Variants in SOS2 observed in about 807,000 individuals in gnomAD.
The protein encoded by SOS2 is son of sevenless homolog 2.
A neutral mutation model predicts 148.2 loss-of-function variants in SOS2; 65 were observed. The ratio of observed to expected loss-of-function variants is 0.44; its 90% CI spans 0.36 to 0.54. SOS2 has a LOEUF of 0.54. SOS2 is among the 20% of genes least tolerant of loss of function. The pLI, the probability that SOS2 is intolerant of heterozygous loss-of-function variation, is 0.00. For missense variants in SOS2, 1,341 were observed against 1,590.2 expected, an observed-to-expected ratio of 0.84 and a Z score of 2.67; for synonymous variants, 539 against 537.1, an observed-to-expected ratio of 1.00 and a Z score of -0.05.
At chr14:50,150,703 A>G (rs1884634056) in intron 13 of SOS2, among the ~76,000 whole-genome samples, 1 of 151,878 alleles carries the variant, frequency 6.6e-6, no homozygotes, top group Non-Finnish European at 1.5e-5. Context: ...CTGGGACTGC[A>G]CATATCACCA....
chr14:50,158,143 T>C (rs1263780408), intron 11 of SOS2, among the ~76,000 whole-genome samples: 1 of 152,116 alleles, frequency 6.6e-6, no homozygotes, highest in Non-Finnish European at 1.5e-5. Context: ...TTTATTATAT[T>C]CTTGTATCTG....
At chr14:50,198,028 A>T (rs975887155) in intron 4 of SOS2, among the ~76,000 whole-genome samples, 2 of 131,278 alleles carry the variant, frequency 1.5e-5, no homozygotes, top group Non-Finnish European at 3.2e-5. Flanking sequence ...AAGTTAAGGG[A>T]GGAATGAGGA....
At chr14:50,191,498 C>A (rs1180584712) in intron 4 of SOS2, among the ~76,000 whole-genome samples, 1 of 152,030 alleles carries the variant, frequency 6.6e-6, no homozygotes, top group African/African-American at 2.4e-5. Context: ...ATAAACCCCC[C>A]AGCTCCAAAC....
intron 1 of SOS2, among the ~76,000 whole-genome samples, chr14:50,212,291 C>T (rs543733863): frequency 3.3e-5 from 5 of 152,208 alleles, no homozygotes; most frequent in East Asian, 1.9e-4. Context: ...CTGGCCAACA[C>T]GGTGAAACCC....
chr14:50,153,324 C>A, intron 12 of SOS2, 151 bp from the exon 13 acceptor site: 2 of 460,524 alleles, frequency 4.3e-6, no homozygotes, highest in Non-Finnish European at 8.0e-6. Context: ...ACTTTAAATG[C>A]TTCAATGACA....
At chr14:50,229,164 C>T (rs1230684942) in intron 1 of SOS2, among the ~76,000 whole-genome samples, 7 of 152,100 alleles carry the variant, frequency 4.6e-5, no homozygotes, top group Non-Finnish European at 8.8e-5. Context: ...GCACTACAGA[C>T]CTACAAGTTG....
At chr14:50,130,066 T>A (rs962953240) in intron 20 of SOS2, 64 bp from the exon 21 acceptor site, 6 of 1,022,620 alleles carry the variant, frequency 5.9e-6, no homozygotes, top group Non-Finnish European at 9.0e-6. Context: ...TTTTTAAATG[T>A]TTCCATAAAT....
intron 8 of SOS2, 116 bp from the exon 9 acceptor site, chr14:50,161,725 C>G (rs758074167): frequency 2.6e-5 from 22 of 850,122 alleles, no homozygotes; most frequent in Non-Finnish European, 3.7e-5. Context: ...TTTATATATA[C>G]TTAATAAAAA....
At chr14:50,189,325 T>C (rs75192289) in intron 4 of SOS2, among the ~76,000 whole-genome samples, 462 of 3,964 alleles carry the variant, frequency 0.12, 9 homozygotes, top group Middle Eastern at 0.25. Flanking sequence ...CACACACACA[T>C]AATAGCAAAA....
At chr14:50,224,002 T>C (rs933588874) in intron 1 of SOS2, among the ~76,000 whole-genome samples, 7 of 151,732 alleles carry the variant, frequency 4.6e-5, no homozygotes, top group East Asian at 1.9e-4. Context: ...AGTCTAAAAA[T>C]TGGCCAGGCG....
intron 8 of SOS2, among the ~76,000 whole-genome samples, chr14:50,165,426 T>C (rs1433181857): frequency 6.6e-6 from 1 of 152,084 alleles, no homozygotes; most frequent in Non-Finnish European, 1.5e-5. Context: ...CACACACTGT[T>C]CTCTCTCTCA....
intron 14 of SOS2, among the ~76,000 whole-genome samples, chr14:50,147,896 G>A (rs140836698): frequency 0.015 from 2,245 of 151,466 alleles, 43 homozygotes; most frequent in African/African-American, 0.05. Flanking sequence ...CAAGGCAGGA[G>A]GACTGCCTGA....
At chr14:50,183,710 T>C (rs1885817816) in intron 5 of SOS2, among the ~76,000 whole-genome samples, 1 of 152,224 alleles carries the variant, frequency 6.6e-6, no homozygotes, top group Non-Finnish European at 1.5e-5. Flanking sequence ...CTATATAGTC[T>C]TATAGATTAA....
intron 1 of SOS2, among the ~76,000 whole-genome samples, chr14:50,209,274 C>CGTGTGTGGGTGTGTGTGTGTGT (rs1886780835): frequency 8.5e-6 from 1 of 118,276 alleles, no homozygotes; most frequent in Non-Finnish European, 1.9e-5. Context: ...CCTTAAATGT[C>CGTGTGTGGGTGTGTGTGTGTGT]GTGTGTGTGT....
At chr14:50,186,300 GAA>G (rs949986360) in intron 5 of SOS2, among the ~76,000 whole-genome samples, 2 of 152,094 alleles carry the variant, frequency 1.3e-5, no homozygotes, top group African/African-American at 2.4e-5. Flanking sequence ...CTAATCCAGT[GAA>G]AAGAGACCCA....
intron 16 of SOS2, among the ~76,000 whole-genome samples, chr14:50,140,980 G>A (rs940744544): frequency 2.0e-4 from 31 of 151,718 alleles, no homozygotes; most frequent in African/African-American, 6.3e-4. Flanking sequence ...TGAGGCGGGC[G>A]GATCATGAGG....
At chr14:50,175,635 AG>A (rs953178919) in intron 7 of SOS2, among the ~76,000 whole-genome samples, 8 of 152,054 alleles carry the variant, frequency 5.3e-5, no homozygotes, top group Non-Finnish European at 1.2e-4. Context: ...GAAAAATCTT[AG>A]TGTATAGCTT....
chr14:50,145,089 AAG>A, intron 16 of SOS2, 79 bp downstream of exon 16: 1 of 704,928 alleles, frequency 1.4e-6, no homozygotes, highest in African/African-American at 1.8e-5. Flanking sequence ...TTTAATTAAA[AAG>A]ACAGATGATA....
intron 16 of SOS2, 102 bp from the exon 17 acceptor site, chr14:50,140,161 A>G (rs997371512): frequency 3.3e-6 from 2 of 609,792 alleles, no homozygotes; most frequent in South Asian, 2.5e-5. Context: ...TATCTGGAAA[A>G]CAATTTTTTT....
Sources: gnomAD v4.1 joint callset for allele counts (sites outside exome capture counted in the v4.1 genomes callset) on GRCh38, gnomAD v4.1.1 for gene constraint, MANE v1.5 for transcripts, NCBI Gene and HGNC (gene_info 2026-07-23, HGNC 2026-07-21) for gene names.